LRP2: variants seen among roughly 807,000 people sequenced by gnomAD.
The protein encoded by LRP2 is LDL receptor related protein 2, also known as low-density lipoprotein receptor-related protein 2.
A neutral mutation model predicts 531.0 loss-of-function variants in LRP2; 172 were observed. The observed-to-expected ratio is 0.32, with a 90% confidence interval of 0.29 to 0.37. The LOEUF (loss-of-function observed/expected upper bound fraction) is 0.37. Among genes scored for constraint, LRP2 ranks in the 10% least tolerant of loss-of-function variants. The probability of loss-of-function intolerance (pLI) is 1.00; values close to 1 mark genes in which losing one functional copy is unlikely to be tolerated. For missense variants in LRP2, 5,167 were observed against 5,868.3 expected, an observed-to-expected ratio of 0.88 and a Z score of 3.90; for synonymous variants, 1,992 against 2,027.6, an observed-to-expected ratio of 0.98 and a Z score of 0.47.
chr2:169,330,411 A>G (rs1404061260), intron 1 of LRP2, among the ~76,000 whole-genome samples: 1 of 152,226 alleles, frequency 6.6e-6, no homozygotes, highest in African/African-American at 2.4e-5. Context: ...AAACTGAGCC[A>G]TTTATAACTG....
chr2:169,238,105 T>A lies in LRP2; in HGVS notation c.4492A>T (p.Thr1498Ser). 1 of 1,614,082 alleles carries A rather than the reference T, an allele frequency of 6.2e-7. No homozygotes were observed. The highest frequency in any genetic ancestry group is 1.7e-4 in the Middle Eastern group (1 of 6,060). The change falls in exon 27 of 79, where the codon ACG becomes TCG. Residue 1498 changes from threonine to serine, a missense_variant. Physicochemically the swap from Thr to Ser is moderately conservative, Grantham distance 58 (BLOSUM62 1). Coordinates refer to ENST00000649046, the MANE Select transcript of LRP2 (RefSeq NM_004525.3). ...GKTWSAFQNG[T>S]DRRVVFDSSI... ...AATGTACTTACCACTCTTCTGTCCG[T>A]TCCATTTTGAAACGCACTCCAGGTT...
chr2:169,283,511 C>T (rs1403538603), intron 9 of LRP2, among the ~76,000 whole-genome samples: 1 of 152,188 alleles, frequency 6.6e-6, no homozygotes, highest in African/African-American at 2.4e-5. Context: ...TACACATTTA[C>T]ATCACTGCAG....
At chr2:169,242,515 T>C (rs1267195060) in intron 24 of LRP2, among the ~76,000 whole-genome samples, 1 of 152,024 alleles carries the variant, frequency 6.6e-6, no homozygotes, top group Non-Finnish European at 1.5e-5. Flanking sequence ...ATTCAACACA[T>C]AATAGCACAA....
At chr2:169,284,256 C>CTCT (rs1553508684) in intron 9 of LRP2, among the ~76,000 whole-genome samples, 51,772 of 97,006 alleles carry the variant, frequency 0.53, 18,111 homozygotes, top group East Asian at 0.84. Context: ...TCTTTTTTTT[C>CTCT]TTTTTTTTTT....
chr2:169,201,482 C>T lies in LRP2; in HGVS notation c.8452+146G>A, dbSNP rs1688199937. On this transcript the variant is annotated intron_variant, in intron 44 of 78. Transcript: ENST00000649046. ...CAAGATTGGTATTTGTTGATACTTG[C>T]TACCGCGCCTAGCCAAAAATTTACG... The T allele has an allele frequency of 2.5e-5, 23 of 938,610 alleles. No individual in the cohort carries two copies. In the South Asian group the frequency reaches 3.5e-4, roughly 14 times the overall value. The allele number at this position is 938,610 out of a possible 1,614,324, so 58.1% of individuals were successfully genotyped here.
chr2:169,239,237 A>G (rs941232411), intron 26 of LRP2, among the ~76,000 whole-genome samples: 2 of 152,222 alleles, frequency 1.3e-5, no homozygotes, highest in Admixed American at 1.3e-4. Context: ...TAAATATAGT[A>G]TAGAACTCAT....
At chr2:169,270,334 C>A (rs6748227) in intron 16 of LRP2, among the ~76,000 whole-genome samples, 3 of 152,116 alleles carry the variant, frequency 2.0e-5, no homozygotes, top group African/African-American at 7.2e-5. Flanking sequence ...CTATTCACAA[C>A]AGCAAAAACT....
In LRP2 at chr2:169,193,869, C is replaced by T; in HGVS notation, c.8722G>A (p.Ala2908Thr). ...SCGHSERTCL[A>T]DEFKCDGGRC... ...CCACCATCACACTTGAACTCATCAGCTAGGCATGTTCGCTCAGAGTGACCT... is the reference window on the plus strand; with the variant it reads ...CCACCATCACACTTGAACTCATCAGTTAGGCATGTTCGCTCAGAGTGACCT... Residue 2908 changes from alanine (A) to threonine (T), a missense_variant, in exon 47 of 79, where the codon GCT becomes ACT. By Grantham distance (58) the Ala-to-Thr change is moderately conservative (BLOSUM62 0). Transcript: ENST00000649046. The T allele has an allele frequency of 6.2e-7, 1 of 1,614,130 alleles. No homozygotes were observed. The highest frequency in any genetic ancestry group is 8.5e-7 in the Non-Finnish European group (1 of 1,180,012).
At chr2:169,270,555 A>G (rs533600025) in intron 16 of LRP2, among the ~76,000 whole-genome samples, 1 of 144,346 alleles carries the variant, frequency 6.9e-6, no homozygotes, top group South Asian at 2.3e-4. Context: ...GAATTGAACA[A>G]TGAGCACACA....
chr2:169,219,829 A>C (rs958714783), intron 34 of LRP2, among the ~76,000 whole-genome samples: 2 of 151,958 alleles, frequency 1.3e-5, no homozygotes, highest in African/African-American at 4.8e-5. Flanking sequence ...TTTTAAAAAA[A>C]ATCCCTACTT....
At chr2:169,288,559 G>A (rs1270034755) in intron 9 of LRP2, among the ~76,000 whole-genome samples, 4 of 125,794 alleles carry the variant, frequency 3.2e-5, no homozygotes, top group Non-Finnish European at 6.7e-5. Flanking sequence ...CCTCTGCTGT[G>A]TCAGGTAACA....
chr2:169,154,640 T>C, intron 65 of LRP2, 37 bp from the exon 66 acceptor site: 1 of 1,599,924 alleles, frequency 6.3e-7, no homozygotes, highest in Admixed American at 1.7e-5. Context: ...TCTGTTTGAA[T>C]TATACTTTCC....
rs908927623 is a variant in LRP2, at chr2:169,362,431, T to C, written c.-32A>G. The C allele has an allele frequency of 1.9e-6, 3 of 1,539,086 alleles. No homozygotes were observed. Among genetic ancestry groups the C allele is most frequent in the Non-Finnish European group, 2.6e-6 (3 of 1,142,786 alleles). ...GACGGTCCCCGGCCTCGCCGTTCCT[T>C]CCCCGGGAGGTGGGCGCGCGTAGCA... On this transcript the variant is annotated 5_prime_UTR_variant, in exon 1 of 79. Transcript: ENST00000649046.
chr2:169,270,481 T>A (rs6706292), intron 16 of LRP2, among the ~76,000 whole-genome samples: 128,873 of 151,690 alleles, frequency 0.85, 55,322 homozygotes, highest in East Asian at 0.97. Context: ...TTGGAAATCA[T>A]CATTCTCAGC....
rs1223574892 is a variant in LRP2 at position 169,153,001 on chromosome 2, G to C, written c.12296-37C>G. ...GACACACAGGTCAGTTTCATGTCAA[G>C]AGCATCAAGTAAAGGAAGAACAGGG... On this transcript the variant is annotated intron_variant, in intron 66 of 78. Transcript: ENST00000649046. The C allele has an allele frequency of 2.5e-6, 4 of 1,603,524 alleles. No individual in the cohort carries two copies. The South Asian group carries it at 4.4e-5, about 18-fold the overall frequency.
chr2:169,244,196 A>G (rs1181039019), intron 22 of LRP2, among the ~76,000 whole-genome samples: 1 of 152,228 alleles, frequency 6.6e-6, no homozygotes. Flanking sequence ...TATTGAAGAC[A>G]TGAAATAAAA....
intron 37 of LRP2, among the ~76,000 whole-genome samples, chr2:169,210,130 T>C (rs968939598): frequency 1.3e-5 from 2 of 152,152 alleles, no homozygotes; most frequent in African/African-American, 4.8e-5. Flanking sequence ...GAATATTATC[T>C]AACAAATGTA....
intron 1 of LRP2, among the ~76,000 whole-genome samples, chr2:169,328,994 G>A (rs1248604662): frequency 6.6e-6 from 1 of 152,214 alleles, no homozygotes; most frequent in Non-Finnish European, 1.5e-5. Flanking sequence ...AAATCTCACA[G>A]CTAGTAGGTA....
chr2:169,246,559 TA>T, intron 21 of LRP2, 145 bp downstream of exon 21: 1 of 988,656 alleles, frequency 1.0e-6, no homozygotes, highest in Non-Finnish European at 1.6e-6. Flanking sequence ...CTTAGCTTCC[TA>T]AAAGCCTTCA....
Sources: allele counts gnomAD v4.1 joint callset (sites outside exome capture counted in the v4.1 genomes callset), GRCh38; gene constraint gnomAD v4.1.1; transcripts MANE v1.5; gene names NCBI Gene and HGNC (gene_info 2026-07-23, HGNC 2026-07-21).